The following ERC2 variants were observed in gnomAD, a reference collection of about 807,000 sequenced individuals.
ERC2 encodes the protein ERC protein 2.
ERC2 carries 42 observed loss-of-function variants against 114.8 expected under a neutral mutation model. The observed-to-expected ratio is 0.37, with a 90% CI of 0.29 to 0.47. The LOEUF (loss-of-function observed/expected upper bound fraction) is 0.47. Among genes scored for constraint, ERC2 ranks in the 20% least tolerant of loss-of-function variants. ERC2 has a pLI of 0.99. For synonymous variants in ERC2, 454 were observed against 425.5 expected (o/e 1.07, Z -0.82); for missense variants, 939 against 1,150.7 (o/e 0.82, Z 2.66).
At chr3:55,621,154 G>GCCCCCCCCCC (rs1253498923) in intron 17 of ERC2, among the ~76,000 whole-genome samples, 2 of 151,008 alleles carry the variant, frequency 1.3e-5, no homozygotes, top group African/African-American at 4.9e-5. Flanking sequence ...GACTCTAACT[G>GCCCCCCCCCC]CCCCCCCTCC....
chr3:56,007,435 G>T lies in ERC2; in HGVS notation c.1921-114C>A, dbSNP rs139239193. The T allele has an allele frequency of 3.5e-3, 3,321 of 962,324 alleles. 27 individuals are homozygous for T. The highest frequency in any genetic ancestry group is 0.012 in the South Asian group (734 of 60,228). 59.6% of individuals were successfully genotyped at this position (962,324 alleles called of 1,614,324 possible). ...ATAAAGTGTGCAGTAGACAGAAAGG[G>T]TAAATATAATCTTACTAAGGTAACA... On this transcript the variant is annotated intron_variant, in intron 9 of 17. Coordinates refer to ENST00000288221, the MANE Select transcript of ERC2 (RefSeq NM_015576.3).
chr3:55,590,943 C>T (rs769491283), intron 17 of ERC2, among the ~76,000 whole-genome samples: 4 of 152,132 alleles, frequency 2.6e-5, no homozygotes, highest in Non-Finnish European at 5.9e-5. Context: ...ATTCTCATGC[C>T]TCAGCTTCCT....
intron 12 of ERC2, among the ~76,000 whole-genome samples, chr3:55,977,409 T>C (rs1330674215): frequency 3.5e-5 from 5 of 142,152 alleles, no homozygotes. Context: ...TCCTAATATA[T>C]AAAAAGCTCT....
At chr3:56,020,622 G>A (rs1446614720) in intron 7 of ERC2, among the ~76,000 whole-genome samples, 2 of 152,188 alleles carry the variant, frequency 1.3e-5, no homozygotes, top group African/African-American at 4.8e-5. Context: ...GCAGCTGAGA[G>A]GACTGACTCT....
At chr3:55,543,967 C>A (rs12106807) in intron 17 of ERC2, among the ~76,000 whole-genome samples, 1 of 151,934 alleles carries the variant, frequency 6.6e-6, no homozygotes, top group Non-Finnish European at 1.5e-5. Context: ...TCAGGGAGGC[C>A]GATTCACAGG....
chr3:55,685,298 C>A (rs1328804705), intron 16 of ERC2, among the ~76,000 whole-genome samples: 2 of 152,152 alleles, frequency 1.3e-5, no homozygotes, highest in Non-Finnish European at 2.9e-5. Flanking sequence ...CTGGACAACT[C>A]AGTATGAATT....
intron 17 of ERC2, among the ~76,000 whole-genome samples, chr3:55,664,420 T>C (rs1455509053): frequency 6.6e-6 from 1 of 152,184 alleles, no homozygotes; most frequent in Non-Finnish European, 1.5e-5. Flanking sequence ...CGTCATACAT[T>C]CTGTTCGCAA....
At chr3:55,904,661 C>A (rs1156680462) in intron 13 of ERC2, among the ~76,000 whole-genome samples, 1 of 152,058 alleles carries the variant, frequency 6.6e-6, no homozygotes, top group Non-Finnish European at 1.5e-5. Context: ...CTGGATGAGT[C>A]TAATAAAGTA....
chr3:55,525,811 T>G (rs944546583), intron 17 of ERC2, among the ~76,000 whole-genome samples: 1 of 152,044 alleles, frequency 6.6e-6, no homozygotes, highest in Non-Finnish European at 1.5e-5. Flanking sequence ...CAGGGCAAAG[T>G]GGAAGCTGGG....
rs1247135873 is a variant in ERC2 at position 56,023,891 on chromosome 3, C to CAAAGAAGT, written c.1642-4868_1642-4861dup. Reference sequence around the variant, plus strand: ...GAGTCCCTTCAGCTCCGAGATTCTACAAAGAAGTAAAGAAGTAATAAAAAG... The same window carrying CAAAGAAGT: ...GAGTCCCTTCAGCTCCGAGATTCTACAAAGAAGTAAAGAAGTAAAGAAGTAATAAAAAG... On this transcript the variant is annotated intron_variant, in intron 7 of 17. Transcript: ENST00000288221. Among the ~76,000 whole-genome samples, 8 of 151,838 alleles carry CAAAGAAGT rather than the reference C, an allele frequency of 5.3e-5. No homozygotes were observed. In the East Asian group the frequency reaches 1.5e-3, roughly 29 times the overall value.
chr3:56,225,355 A>T (rs1165429622), intron 3 of ERC2, among the ~76,000 whole-genome samples: 4 of 152,220 alleles, frequency 2.6e-5, no homozygotes, highest in African/African-American at 9.7e-5. Flanking sequence ...ACACAACTTC[A>T]GACAAGGTTA....
chr3:55,645,693 G>T (rs1575914921), intron 17 of ERC2, among the ~76,000 whole-genome samples: 1 of 152,170 alleles, frequency 6.6e-6, no homozygotes, highest in Admixed American at 6.5e-5. Flanking sequence ...ACAGTGGGGG[G>T]CCCACCGTTA....
chr3:56,103,958 G>A (rs1264040656), intron 6 of ERC2, among the ~76,000 whole-genome samples: 2 of 152,154 alleles, frequency 1.3e-5, no homozygotes, highest in Non-Finnish European at 2.9e-5. Context: ...TAGTTGGTAG[G>A]AAGTTCAGCG....
chr3:56,460,441 C>A (rs926388523), intron 1 of ERC2, among the ~76,000 whole-genome samples: 1 of 152,162 alleles, frequency 6.6e-6, no homozygotes, highest in African/African-American at 2.4e-5. Flanking sequence ...GGGATACAGC[C>A]AAAGGCAAAG....
intron 2 of ERC2, among the ~76,000 whole-genome samples, chr3:56,314,532 T>C (rs1261933989): frequency 6.6e-6 from 1 of 152,070 alleles, no homozygotes; most frequent in Non-Finnish European, 1.5e-5. Flanking sequence ...TGAAATAATG[T>C]TTGGCTGTGT....
chr3:55,551,146 A>G (rs2055174625), intron 17 of ERC2, among the ~76,000 whole-genome samples: 1 of 152,140 alleles, frequency 6.6e-6, no homozygotes, highest in African/African-American at 2.4e-5. Context: ...ACATACATAT[A>G]TACACACATA....
chr3:55,957,923 G>A (rs2068074590), intron 12 of ERC2, among the ~76,000 whole-genome samples: 1 of 152,220 alleles, frequency 6.6e-6, no homozygotes, highest in South Asian at 2.1e-4. Flanking sequence ...GCTTCCCAAA[G>A]AGCCGCAGCT....
chr3:55,991,949 C>A (rs2071089260), intron 11 of ERC2, 108 bp downstream of exon 11: 11 of 971,800 alleles, frequency 1.1e-5, no homozygotes, highest in Non-Finnish European at 1.7e-5. Flanking sequence ...TGACTTGTTT[C>A]TAACTTGTAA....
At chr3:55,678,160 C>T (rs1285229517) in intron 17 of ERC2, among the ~76,000 whole-genome samples, 2 of 151,898 alleles carry the variant, frequency 1.3e-5, no homozygotes, top group African/African-American at 4.8e-5. Context: ...CTTACTTTGC[C>T]CAGGAATCGA....
Sources: allele counts gnomAD v4.1 joint callset (sites outside exome capture counted in the v4.1 genomes callset), GRCh38; gene constraint gnomAD v4.1.1; transcripts MANE v1.5; gene names NCBI Gene and HGNC (gene_info 2026-07-23, HGNC 2026-07-21).